The following FBXL14 variants were observed in gnomAD, a reference collection of about 807,000 sequenced individuals.
FBXL14 encodes F-box/LRR-repeat protein 14.
A neutral mutation model predicts 24.5 loss-of-function variants in FBXL14; 11 were observed. The observed-to-expected ratio is 0.45, with a 90% CI of 0.28 to 0.74. The LOEUF is 0.74. Ranked by LOEUF, FBXL14 falls within the 30% of genes least tolerant of loss-of-function variation. The probability of loss-of-function intolerance (pLI) is 0.12; values close to 1 mark genes in which losing one functional copy is unlikely to be tolerated. For synonymous variants in FBXL14, 294 were observed against 240.4 expected (o/e 1.22, Z -2.06); for missense variants, 384 against 545.6 (o/e 0.70, Z 2.95).
intron 1 of FBXL14, chr12:1,587,372 T>C (rs1379082323): frequency 6.6e-6 from 1 of 152,112 alleles, no homozygotes; most frequent in Non-Finnish European, 1.5e-5. Flanking sequence ...TCCACTTCGA[T>C]TGTTTTATTG....
intron 1 of FBXL14, among the ~76,000 whole-genome samples, chr12:1,580,974 T>C (rs10848530): frequency 0.19 from 28,939 of 151,954 alleles, 5,296 homozygotes; most frequent in African/African-American, 0.48. Flanking sequence ...ATCTCTGAAG[T>C]ATCAAGCGGA....
chr12:1,592,225 T>A (rs998752109), intron 1 of FBXL14, among the ~76,000 whole-genome samples: 9 of 147,100 alleles, frequency 6.1e-5, no homozygotes, highest in African/African-American at 2.0e-4. Flanking sequence ...ATATATATAA[T>A]ATATAGAATA....
In FBXL14 at chr12:1,566,809, T is replaced by C. The variant is rs1354763807; in HGVS notation, c.1196A>G (p.Glu399Gly). 1 of 780,874 alleles carries C rather than the reference T, an allele frequency of 1.3e-6. No homozygotes were observed. The highest frequency in any genetic ancestry group is 1.3e-5 in the South Asian group (1 of 74,582). The allele number at this position is 780,874 out of a possible 1,614,324, so 48.4% of individuals were successfully genotyped here. A position where few individuals can be genotyped will look rare whatever the true frequency, so the allele number is the denominator to read the frequency against. ...TAATGGAGAAAAATCCCCTCGTGCCTCCTGCAGTGGGAAGAAGAAAAAGGA... is the reference window on the plus strand; with the variant it reads ...TAATGGAGAAAAATCCCCTCGTGCCCCCTGCAGTGGGAAGAAGAAAAAGGA... ...GLWQMTDSEK[E>G]ARGDFSPLFT... The change falls in exon 2 of 2, where the codon GAG becomes GGG. Residue 399 changes from glutamate to glycine, a missense_variant and splice_region_variant. By Grantham distance (98) the Glu-to-Gly change is moderately conservative. Transcript: ENST00000339235.
At chr12:1,573,301 A>G (rs532226109) in intron 1 of FBXL14, among the ~76,000 whole-genome samples, 77 of 152,310 alleles carry the variant, frequency 5.1e-4, no homozygotes, top group African/African-American at 1.8e-3. Context: ...GATTTGGGTT[A>G]CGTTAGTATC....
At chr12:1,571,435 T>TGACCTCAGGTGATCCGCCCG (rs2094445355) in intron 1 of FBXL14, among the ~76,000 whole-genome samples, 1 of 152,264 alleles carries the variant, frequency 6.6e-6, no homozygotes, top group South Asian at 2.1e-4. Flanking sequence ...CTCGAACTCC[T>TGACCTCAGGTGATCCGCCCG]GACCTCAGGT....
chr12:1,594,070 C>T lies in FBXL14; in HGVS notation c.-4G>A, dbSNP rs2094496456. ...GGCATGAGATGTGGGTCTCCATCTT[C>T]CTCCTCCCCCCTCCGCGGCGCTGGG... is the stretch of plus-strand genomic sequence containing the variant. On this transcript the variant is annotated 5_prime_UTR_variant, in exon 1 of 2. Transcript: ENST00000339235. 1.4e-6 allele frequency: 2 copies of T among 1,442,126 alleles called. No individual in the cohort carries two copies. The highest frequency in any genetic ancestry group is 1.4e-5 in the African/African-American group (1 of 69,078). The allele number at this position is 1,442,126 out of a possible 1,614,324, so 89.3% of individuals were successfully genotyped here.
rs189870003 is a variant in FBXL14, at chr12:1,585,656, T to C, written c.1194+7217A>G. Among the ~76,000 whole-genome samples the C allele has an allele frequency of 5.3e-3, 801 of 152,300 alleles. 5 individuals are homozygous for C. Among genetic ancestry groups the C allele is most frequent in the Non-Finnish European group, 7.6e-3 (514 of 68,018 alleles). ...TAAGGAGTAATTGTTGACACCCCAC[T>C]GTGTGGTAGGTCTGATCCTTCTGGA... On this transcript the variant is annotated intron_variant, in intron 1 of 1. Transcript: ENST00000339235.
rs983486302 is a variant in FBXL14 at position 1,569,625 on chromosome 12, C to T, written c.1195-2815G>A. Among the ~76,000 whole-genome samples, 1 of 152,204 alleles carries T rather than the reference C, an allele frequency of 6.6e-6. No homozygotes were observed. The highest frequency in any genetic ancestry group is 1.5e-5 in the Non-Finnish European group (1 of 68,036). On this transcript the variant is annotated intron_variant, in intron 1 of 1. Transcript: ENST00000339235. The surrounding 1 kb of genome is among the most constrained non-coding windows in gnomAD (Gnocchi z 4.2). ...CCGTGTTAGCCAGGATGGTCTCGAT[C>T]TCCTGAACTTGTGATCCGCCCGCCT...
At position 1,593,680 on chromosome 12, in the gene FBXL14, C is replaced by T; in HGVS notation, c.387G>A (p.Gln129=). The change falls in exon 1 of 2, where the codon CAG becomes CAA. Residue 129 remains glutamine, a synonymous_variant. Coordinates refer to ENST00000339235, the MANE Select transcript of FBXL14 (RefSeq NM_152441.3). This position sits in a 1 kb window ranked among gnomAD's most constrained non-coding sequence, Gnocchi z 7.4. ...LRALNLSLCK[Q]ITDSSLGRIA... ...TGCGGCCCAGGCTGCTGTCAGTGAT[C>T]TGCTTGCAGAGGCTCAGGTTGAGAG... 6.2e-7 allele frequency: 1 copy of T among 1,614,158 alleles called. No homozygotes were observed. Among genetic ancestry groups the T allele is most frequent in the Non-Finnish European group, 8.5e-7 (1 of 1,180,022 alleles).
In FBXL14 at chr12:1,593,279, C is replaced by A. The variant is rs1231224500; in HGVS notation, c.788G>T (p.Cys263Phe). 1 of 1,612,974 alleles carries A rather than the reference C, an allele frequency of 6.2e-7. No homozygotes were observed. Residue 263 changes from cysteine (C) to phenylalanine (F), a missense_variant, in exon 1 of 2, where the codon TGT becomes TTT. By Grantham distance (205) the Cys-to-Phe change is radical. Transcript: ENST00000339235. The surrounding 1 kb of genome is among the most constrained non-coding windows in gnomAD (Gnocchi z 7.4). The stretch of plus-strand genomic sequence containing the variant: ...GATGCCCGTGTCACTGATGTTGTCA[C>A]AGGAGCGCAGGTTGAGGCTGCGCAG... The part of the protein sequence containing the change: ...GSLRSLNLRS[C>F]DNISDTGIMH...
intron 1 of FBXL14, among the ~76,000 whole-genome samples, chr12:1,568,827 C>G (rs2094440512): frequency 6.6e-6 from 1 of 152,158 alleles, no homozygotes; most frequent in Admixed American, 6.5e-5. Context: ...CGCCATTGCC[C>G]TCCAGCCTGG....
chr12:1,584,646 G>C (rs1004732807), intron 1 of FBXL14, among the ~76,000 whole-genome samples: 1 of 152,200 alleles, frequency 6.6e-6, no homozygotes. Context: ...TCGTACAACC[G>C]TCAGCTGTCA....
Position 1,569,462 on chromosome 12 carries a change from G to A in FBXL14, c.1195-2652C>T, listed in dbSNP as rs1397718795. Among the ~76,000 whole-genome samples the A allele has an allele frequency of 1.3e-5, 2 of 149,160 alleles. No homozygotes were observed. Among genetic ancestry groups the A allele is most frequent in the Non-Finnish European group, 3.0e-5 (2 of 67,726 alleles). On this transcript the variant is annotated intron_variant, in intron 1 of 1. Transcript: ENST00000339235. The surrounding 1 kb of genome is among the most constrained non-coding windows in gnomAD (Gnocchi z 4.2). ...GTCACCCAGGCTAGAGTGCAGTGCC[G>A]CAATCTCGGCTCACTGCAAGCTCCG...
intron 1 of FBXL14, among the ~76,000 whole-genome samples, chr12:1,592,201 T>C (rs891182823): frequency 6.8e-6 from 1 of 147,422 alleles, no homozygotes; most frequent in Non-Finnish European, 1.5e-5. Context: ...TATATATATA[T>C]ATATATAATT....
chr12:1,587,480 C>T (rs888173922), intron 1 of FBXL14: 21 of 152,122 alleles, frequency 1.4e-4, no homozygotes, highest in East Asian at 9.7e-4. Flanking sequence ...GCTTTACATA[C>T]GACCAAATAT....
chr12:1,566,615 C>T lies in FBXL14; in HGVS notation c.*133G>A. ...TTCACAAGGTACCGGAGCAGAAGCC[C>T]TGGGCAGCAGCCTCTGCCCGAGCAG... On this transcript the variant is annotated 3_prime_UTR_variant, in exon 2 of 2. Transcript: ENST00000339235. 5.7e-6 allele frequency: 4 copies of T among 700,718 alleles called. No individual in the cohort carries two copies. The highest frequency in any genetic ancestry group is 3.3e-5 in the South Asian group (2 of 61,348). The allele number at this position is 700,718 out of a possible 1,614,324, so 43.4% of individuals were successfully genotyped here.
chr12:1,569,486 C>T lies in FBXL14; in HGVS notation c.1195-2676G>A, dbSNP rs552169879. Among the ~76,000 whole-genome samples, 20 of 152,120 alleles carry T rather than the reference C, an allele frequency of 1.3e-4. 1 individual carries two copies. In the Middle Eastern group the frequency reaches 0.017, roughly 129 times the overall value. ...CGCAATCTCGGCTCACTGCAAGCTC[C>T]GCTTCCCGGGTTCACGCCATTCTCC... On this transcript the variant is annotated intron_variant, in intron 1 of 1. Transcript: ENST00000339235. The surrounding 1 kb of genome is among the most constrained non-coding windows in gnomAD (Gnocchi z 4.2).
chr12:1,593,623 C>T lies in FBXL14; in HGVS notation c.444G>A (p.Leu148=), dbSNP rs1401322755. ...IAQYLKGLEV[L]ELGGCSNITN... is the part of the protein sequence containing the mutation. ...TGATGTTGCTGCAACCTCCCAGCTCCAGCACCTCCAGGCCCTTGAGGTACT... is the reference window on the plus strand; with the variant it reads ...TGATGTTGCTGCAACCTCCCAGCTCTAGCACCTCCAGGCCCTTGAGGTACT... Residue 148 remains leucine (L), a synonymous_variant, in exon 1 of 2, where the codon CTG becomes CTA. Transcript: ENST00000339235. The surrounding 1 kb of genome is among the most constrained non-coding windows in gnomAD (Gnocchi z 7.4). 11 of 1,614,130 alleles carry T rather than the reference C, an allele frequency of 6.8e-6. No homozygotes were observed. In the South Asian group the frequency reaches 8.8e-5, roughly 13 times the overall value.
intron 1 of FBXL14, among the ~76,000 whole-genome samples, chr12:1,572,552 C>T (rs2154437750): frequency 6.6e-6 from 1 of 152,276 alleles, no homozygotes; most frequent in East Asian, 1.9e-4. Flanking sequence ...CGCCCCATTC[C>T]CAGAGAGGCC....
Sources: allele counts gnomAD v4.1 joint callset (sites outside exome capture counted in the v4.1 genomes callset), GRCh38; gene constraint gnomAD v4.1.1; non-coding constraint Gnocchi (gnomAD v3.1); transcripts MANE v1.5; gene names NCBI Gene and HGNC (gene_info 2026-07-23, HGNC 2026-07-21).